GLI3: variants seen among roughly 807,000 people sequenced by gnomAD.
GLI3 encodes the protein GLI family zinc finger 3, also known as transcription activator GLI3.
GLI3 carries 20 observed loss-of-function variants against 100.8 expected under a neutral mutation model. That is an observed-to-expected ratio of 0.20 (90% CI 0.14 to 0.29). The LOEUF (loss-of-function observed/expected upper bound fraction) is 0.29, where lower values mean the gene tolerates loss of function less well. Ranked by LOEUF, GLI3 falls within the 10% of genes least tolerant of loss-of-function variation. GLI3 has a pLI of 1.00. For missense variants in GLI3, 2,040 were observed against 2,128.5 expected, an observed-to-expected ratio of 0.96 and a Z score of 0.82; for synonymous variants, 938 against 860.5, an observed-to-expected ratio of 1.09 and a Z score of -1.58.
At chr7:42,038,190 T>C (rs1202646014) in intron 7 of GLI3, among the ~76,000 whole-genome samples, 8 of 152,226 alleles carry the variant, frequency 5.3e-5, no homozygotes. Context: ...CCCAGGAATA[T>C]TCGCCAGGAG....
Position 41,965,360 on chromosome 7 carries a change from C to T in GLI3, c.3713G>A (p.Gly1238Asp), listed in dbSNP as rs1439998267. 1.2e-6 allele frequency: 2 copies of T among 1,613,356 alleles called. No individual in the cohort carries two copies. The highest frequency in any genetic ancestry group is 1.7e-6 in the Non-Finnish European group (2 of 1,179,730). ...TTCATGGAAGGCGTTTCCACTGGTG[C>T]CACTTCCGGGGCTGTTGTGGAGCAT... ...HLMLHNSPGSGTSGNAFHEQP... is the reference protein window; with the variant it reads ...HLMLHNSPGSDTSGNAFHEQP... The change falls in exon 15 of 15, where the codon GGC becomes GAC. Residue 1238 changes from glycine to aspartate, a missense_variant. Physicochemically the swap from Gly to Asp is moderately conservative, Grantham distance 94. Transcript: ENST00000395925.
At chr7:41,968,816 C>T (rs1260075302) in intron 13 of GLI3, among the ~76,000 whole-genome samples, 1 of 150,492 alleles carries the variant, frequency 6.6e-6, no homozygotes, top group East Asian at 2.0e-4. Flanking sequence ...CTGCAGATCA[C>T]AGCCGTCATG....
At chr7:41,968,755 AGAAAGAAG>A (rs1203431880) in intron 13 of GLI3, among the ~76,000 whole-genome samples, 8,624 of 99,218 alleles carry the variant, frequency 0.087, 411 homozygotes, top group Non-Finnish European at 0.11. Context: ...AAAGAAAGAA[AGAAAGAAG>A]GAAAGAAAGA....
intron 3 of GLI3, among the ~76,000 whole-genome samples, chr7:42,082,642 A>T (rs1186460128): frequency 2.0e-5 from 3 of 152,170 alleles, no homozygotes; most frequent in African/African-American, 7.2e-5. Flanking sequence ...ATGTGGGGTT[A>T]GAAACTCCTC....
intron 2 of GLI3, among the ~76,000 whole-genome samples, chr7:42,219,155 T>C (rs1788434269): frequency 6.6e-6 from 1 of 152,242 alleles, no homozygotes; most frequent in Non-Finnish European, 1.5e-5. Context: ...TCAACAATTA[T>C]ACCTAAGATC....
intron 10 of GLI3, among the ~76,000 whole-genome samples, chr7:42,008,972 A>T (rs949523717): frequency 3.3e-5 from 5 of 152,342 alleles, no homozygotes; most frequent in African/African-American, 1.2e-4. Flanking sequence ...AACTCTGATG[A>T]TAATTGCACT....
chr7:42,004,087 A>G (rs540840786), intron 10 of GLI3, among the ~76,000 whole-genome samples: 2 of 152,226 alleles, frequency 1.3e-5, no homozygotes, highest in Non-Finnish European at 2.9e-5. Flanking sequence ...TAAAAGTCTT[A>G]GAAAATTTAG....
intron 1 of GLI3, among the ~76,000 whole-genome samples, chr7:42,234,198 A>G (rs751505507): frequency 6.6e-6 from 1 of 151,832 alleles, no homozygotes; most frequent in Non-Finnish European, 1.5e-5. Context: ...TTCTTAGTAC[A>G]TTACTGTCTC....
At chr7:42,217,574 G>A (rs1156992214) in intron 2 of GLI3, among the ~76,000 whole-genome samples, 1 of 152,184 alleles carries the variant, frequency 6.6e-6, no homozygotes, top group African/African-American at 2.4e-5. Flanking sequence ...TAGCTTTCAA[G>A]GTTGAGGAAA....
At chr7:42,099,943 A>T (rs1376981128) in intron 3 of GLI3, among the ~76,000 whole-genome samples, 5 of 152,394 alleles carry the variant, frequency 3.3e-5, no homozygotes, top group South Asian at 2.1e-4. Flanking sequence ...GATCACGGGC[A>T]CGTTAGTGCC....
At chr7:42,168,593 C>T (rs529230386) in intron 2 of GLI3, among the ~76,000 whole-genome samples, 3 of 151,972 alleles carry the variant, frequency 2.0e-5, no homozygotes, top group Non-Finnish European at 2.9e-5. Context: ...GGAGAAGAAG[C>T]CAGACACAAA....
rs139014738 is a variant in GLI3, at chr7:42,243,108, C to T, written c.-42-19813G>A. ...CAGAAAAAACTACAGCAAAGCCAGTCAAGACCAGGTGAACTGGTAAAGAGC... is the reference window on the plus strand; with the variant it reads ...CAGAAAAAACTACAGCAAAGCCAGTTAAGACCAGGTGAACTGGTAAAGAGC... On this transcript the variant is annotated intron_variant, in intron 1 of 2. Transcript: ENST00000678978. Among the ~76,000 whole-genome samples the T allele has an allele frequency of 6.6e-4, 100 of 152,162 alleles. 2 individuals carry two copies. The East Asian group carries it at 0.017, about 26-fold the overall frequency.
At chr7:42,258,822 A>T (rs1789111821) in intron 1 of GLI3, among the ~76,000 whole-genome samples, 1 of 152,210 alleles carries the variant, frequency 6.6e-6, no homozygotes, top group African/African-American at 2.4e-5. Context: ...ACTACTTCTC[A>T]AATCATATCC....
intron 1 of GLI3, among the ~76,000 whole-genome samples, chr7:42,255,962 C>G (rs539400535): frequency 6.6e-6 from 1 of 152,182 alleles, no homozygotes; most frequent in African/African-American, 2.4e-5. Flanking sequence ...TCCATATTCT[C>G]ACCCACACTT....
At chr7:42,044,871 A>T (rs1334996085) in intron 6 of GLI3, among the ~76,000 whole-genome samples, 1 of 152,114 alleles carries the variant, frequency 6.6e-6, no homozygotes, top group Non-Finnish European at 1.5e-5. Context: ...TGTTATCAAG[A>T]CAATCACGAC....
intron 3 of GLI3, chr7:42,113,667 A>T (rs1451240947): frequency 1.3e-6 from 1 of 757,352 alleles, no homozygotes; most frequent in African/African-American, 1.7e-5. Context: ...ATGACTGTAC[A>T]GTTTGAAATA....
chr7:42,205,913 T>C (rs553050595), intron 2 of GLI3, among the ~76,000 whole-genome samples: 1 of 152,286 alleles, frequency 6.6e-6, no homozygotes, highest in Non-Finnish European at 1.5e-5. Context: ...CTAAGATTGC[T>C]TCCCACAGCC....
At chr7:42,080,761 G>C (rs550849424) in intron 3 of GLI3, among the ~76,000 whole-genome samples, 1 of 152,268 alleles carries the variant, frequency 6.6e-6, no homozygotes, top group African/African-American at 2.4e-5. Context: ...CTCAAACGTT[G>C]AGTACTTGCC....
chr7:42,199,242 G>A (rs1323452936), intron 2 of GLI3, among the ~76,000 whole-genome samples: 1 of 152,184 alleles, frequency 6.6e-6, no homozygotes, highest in Non-Finnish European at 1.5e-5. Context: ...TTCTGAAAAT[G>A]ATTTTCAGGC....
Sources: allele counts gnomAD v4.1 joint callset (sites outside exome capture counted in the v4.1 genomes callset), GRCh38; gene constraint gnomAD v4.1.1; transcripts MANE v1.5; gene names NCBI Gene and HGNC (gene_info 2026-07-23, HGNC 2026-07-21).